NECAB1: variants seen among roughly 807,000 people sequenced by gnomAD.
NECAB1 encodes N-terminal EF-hand calcium binding protein 1, also known as N-terminal EF-hand calcium-binding protein 1.
Under a neutral mutation model 57.5 loss-of-function variants are expected in NECAB1, and 29 were observed. That is an observed-to-expected ratio of 0.50 (90% confidence interval 0.38 to 0.69). The LOEUF is 0.69. Ranked by LOEUF, NECAB1 falls within the 30% of genes least tolerant of loss-of-function variation. The probability of loss-of-function intolerance (pLI) is 0.00; values close to 1 mark genes in which losing one functional copy is unlikely to be tolerated. For synonymous variants in NECAB1, 142 were observed against 147.7 expected (o/e 0.96, Z 0.28); for missense variants, 372 against 413.8 (o/e 0.90, Z 0.88).
Position 90,956,193 on chromosome 8 carries a change from T to A in NECAB1, c.*681T>A, listed in dbSNP as rs1262068030. ...AGCAACATTGTGTCATTTATTAGCATCATAATTCTTTGTTATGTAAGTTAA... is the reference window on the plus strand; with the variant it reads ...AGCAACATTGTGTCATTTATTAGCAACATAATTCTTTGTTATGTAAGTTAA... On this transcript the variant is annotated 3_prime_UTR_variant, in exon 13 of 13. Transcript: ENST00000417640. 3 of 152,040 alleles carry A rather than the reference T, an allele frequency of 2.0e-5. No homozygotes were observed. The highest frequency in any genetic ancestry group is 7.2e-5 in the African/African-American group (3 of 41,426). The allele number at this position is 152,040 out of a possible 1,614,324, so 9.4% of individuals were successfully genotyped here.
chr8:90,840,342 T>A (rs1330551300), intron 3 of NECAB1, among the ~76,000 whole-genome samples: 1 of 152,200 alleles, frequency 6.6e-6, no homozygotes, highest in Non-Finnish European at 1.5e-5. Flanking sequence ...TTACAACAGA[T>A]CTATGATTGA....
intron 6 of NECAB1, among the ~76,000 whole-genome samples, chr8:90,919,552 T>G (rs1810055132): frequency 6.6e-6 from 1 of 152,326 alleles, no homozygotes; most frequent in Admixed American, 6.5e-5. Flanking sequence ...GGAAGTACTC[T>G]TTAGCAGATC....
chr8:90,876,320 C>G, intron 4 of NECAB1, among the ~76,000 whole-genome samples: 1 of 152,056 alleles, frequency 6.6e-6, no homozygotes, highest in East Asian at 1.9e-4. Flanking sequence ...CTCAAAATAG[C>G]CCACATTTCT....
intron 12 of NECAB1, among the ~76,000 whole-genome samples, chr8:90,954,873 A>G (rs1810991990): frequency 6.8e-6 from 1 of 148,078 alleles, no homozygotes; most frequent in South Asian, 2.1e-4. Flanking sequence ...ACATATGCAT[A>G]TATGTATATT....
Position 90,951,140 on chromosome 8 carries a change from A to G in NECAB1, c.966A>G (p.Thr322=), listed in dbSNP as rs752788591. 1.2e-6 allele frequency: 2 copies of G among 1,601,294 alleles called. No homozygotes were observed. Among genetic ancestry groups the G allele is most frequent in the Non-Finnish European group, 8.5e-7 (1 of 1,173,800 alleles). Residue 322 remains threonine (T), a synonymous_variant, in exon 12 of 13, where the codon ACA becomes ACG. Coordinates refer to ENST00000417640, the MANE Select transcript of NECAB1 (RefSeq NM_022351.5). The part of the protein sequence containing the change: ...NSHLQTNYSK[T]FQRSNVDFLE... The stretch of plus-strand genomic sequence containing the variant: ...ACCTTCAGACAAATTATAGCAAGAC[A>G]TTCCAAAGAAGTAATGTGGATTTCT...
intron 4 of NECAB1, among the ~76,000 whole-genome samples, chr8:90,877,200 A>G (rs543264542): frequency 1.3e-5 from 2 of 151,848 alleles, no homozygotes; most frequent in East Asian, 1.9e-4. Flanking sequence ...GAAATTCTGG[A>G]CTCCACCGCT....
rs1393874966 is a variant in NECAB1 at position 90,955,689 on chromosome 8, C to T, written c.*177C>T. On this transcript the variant is annotated 3_prime_UTR_variant, in exon 13 of 13. Transcript: ENST00000417640. ...CTTTATCAATTCATGTGAATTTTAG[C>T]TCAATTTTCAAAGTTCACTAATATT... is the stretch of plus-strand genomic sequence containing the variant. 6.2e-6 allele frequency: 3 copies of T among 480,834 alleles called. No homozygotes were observed. Among genetic ancestry groups the T allele is most frequent in the Non-Finnish European group, 1.1e-5 (3 of 275,914 alleles). 29.8% of individuals were successfully genotyped at this position (480,834 alleles called of 1,614,324 possible).
At chr8:90,811,946 A>C (rs1811967727) in intron 2 of NECAB1, among the ~76,000 whole-genome samples, 1 of 152,202 alleles carries the variant, frequency 6.6e-6, no homozygotes, top group African/African-American at 2.4e-5. Flanking sequence ...GATTATATAC[A>C]CACCCCCAGA....
At chr8:90,913,608 A>G (rs1809880892) in intron 5 of NECAB1, among the ~76,000 whole-genome samples, 1 of 152,218 alleles carries the variant, frequency 6.6e-6, no homozygotes, top group Non-Finnish European at 1.5e-5. Context: ...TTATGCCAAC[A>G]TACCAGTCTT....
intron 3 of NECAB1, among the ~76,000 whole-genome samples, chr8:90,825,954 G>A (rs777372792): frequency 1.3e-5 from 2 of 151,776 alleles, no homozygotes; most frequent in East Asian, 1.9e-4. Context: ...TCAGCTGATC[G>A]TATCAATATA....
intron 3 of NECAB1, among the ~76,000 whole-genome samples, chr8:90,858,332 T>C (rs1203250251): frequency 6.6e-6 from 1 of 152,184 alleles, no homozygotes; most frequent in Non-Finnish European, 1.5e-5. Flanking sequence ...GGAAGTCCCC[T>C]GAAATCAGCA....
At chr8:90,792,439 C>G (rs1340557588) in intron 1 of NECAB1, among the ~76,000 whole-genome samples, 1 of 152,208 alleles carries the variant, frequency 6.6e-6, no homozygotes, top group African/African-American at 2.4e-5. Flanking sequence ...TTATCCTCCC[C>G]CAGACCCCCT....
At chr8:90,836,447 A>C (rs1439093929) in intron 3 of NECAB1, among the ~76,000 whole-genome samples, 1 of 152,194 alleles carries the variant, frequency 6.6e-6, no homozygotes. Context: ...TTTTATTTTA[A>C]GGTTCTCCTG....
rs1219732316 is a variant in NECAB1, at chr8:90,838,412, A to AT, written c.233+13588dup. ...CTATATATACATTTAAGAAACACTA[A>AT]TAAAAACAAATAAGACAATTATTTA... On this transcript the variant is annotated intron_variant, in intron 3 of 12. Transcript: ENST00000417640. Among the ~76,000 whole-genome samples, 5 of 152,350 alleles carry AT rather than the reference A, an allele frequency of 3.3e-5. No individual in the cohort carries two copies. The East Asian group carries it at 9.6e-4, about 29-fold the overall frequency.
intron 3 of NECAB1, among the ~76,000 whole-genome samples, chr8:90,839,199 G>C (rs768244977): frequency 4.6e-5 from 7 of 152,038 alleles, no homozygotes; most frequent in African/African-American, 7.2e-5. Flanking sequence ...TTTAAATATC[G>C]GAAGAGGCTA....
rs66645266 is a variant in NECAB1 at position 90,956,943 on chromosome 8, CGTGT to C, written c.*1470_*1473del. On this transcript the variant is annotated 3_prime_UTR_variant, in exon 13 of 13. Transcript: ENST00000417640. ...AATTTTGATATATTGTACATACACA[CGTGT>C]GTGTGTGTGTGTGTGTGTGTGTGTG... 9,304 of 143,244 alleles carry C rather than the reference CGTGT, an allele frequency of 0.065. 280 individuals are homozygous for C. The highest frequency in any genetic ancestry group is 0.1 in the African/African-American group (3,879 of 38,878). The allele number at this position is 143,244 out of a possible 1,614,324, so 8.9% of individuals were successfully genotyped here.
chr8:90,942,483 C>T (rs1027552988), intron 10 of NECAB1, among the ~76,000 whole-genome samples: 7 of 152,130 alleles, frequency 4.6e-5, no homozygotes, highest in African/African-American at 1.7e-4. Flanking sequence ...ACTCAGAGGG[C>T]ACAAATCAAA....
chr8:90,917,805 TCTA>T, intron 6 of NECAB1, among the ~76,000 whole-genome samples, 177 bp downstream of exon 6: 1 of 139,442 alleles, frequency 7.2e-6, no homozygotes, highest in Non-Finnish European at 1.5e-5. Context: ...AAAAGACCAT[TCTA>T]CTTTTTCTTT....
chr8:90,792,470 C>G (rs1240597555), intron 1 of NECAB1, among the ~76,000 whole-genome samples: 1 of 152,168 alleles, frequency 6.6e-6, no homozygotes, highest in Non-Finnish European at 1.5e-5. Context: ...TTACTTTGAG[C>G]ATATTTGTTT....
Sources: allele counts gnomAD v4.1 joint callset (sites outside exome capture counted in the v4.1 genomes callset), GRCh38; gene constraint gnomAD v4.1.1; transcripts MANE v1.5; gene names NCBI Gene and HGNC (gene_info 2026-07-23, HGNC 2026-07-21).